Variants in EYS observed in about 807,000 individuals in gnomAD.
EYS encodes the protein EGF-like photoreceptor maintenance factor.
In EYS, 250 loss-of-function variants were observed where a neutral mutation model predicts 282.1. That is an observed-to-expected ratio of 0.89 (90% CI 0.80 to 0.98). The LOEUF (loss-of-function observed/expected upper bound fraction) is 0.98, where lower values mean the gene tolerates loss of function less well. EYS is among the 50% of genes least tolerant of loss of function. The probability of loss-of-function intolerance (pLI) is 0.00; values close to 1 mark genes in which losing one functional copy is unlikely to be tolerated. For missense variants in EYS, 4,016 were observed against 3,709.0 expected (o/e 1.08, Z -2.15); for synonymous variants, 1,355 against 1,282.9 (o/e 1.06, Z -1.20).
intron 22 of EYS, among the ~76,000 whole-genome samples, chr6:64,750,948 G>A (rs769685095): frequency 9.9e-5 from 15 of 151,084 alleles, no homozygotes; most frequent in Non-Finnish European, 1.6e-4. Flanking sequence ...CAGCAGCACT[G>A]TCTCTGCTCC....
At chr6:65,039,782 G>T (rs1772877351) in intron 13 of EYS, among the ~76,000 whole-genome samples, 1 of 151,352 alleles carries the variant, frequency 6.6e-6, no homozygotes, top group Non-Finnish European at 1.5e-5. Flanking sequence ...AAGACTTTTG[G>T]TATCTTAGTA....
intron 36 of EYS, 43 bp downstream of exon 36, chr6:63,864,143 T>A: frequency 2.1e-6 from 3 of 1,416,120 alleles, no homozygotes; most frequent in Non-Finnish European, 2.8e-6. Flanking sequence ...CCTCTTCACC[T>A]CTTTCTGTCT....
intron 35 of EYS, among the ~76,000 whole-genome samples, chr6:63,939,160 T>A (rs1333833243): frequency 6.6e-6 from 1 of 151,972 alleles, no homozygotes; most frequent in African/African-American, 2.4e-5. Context: ...AATATGCCTA[T>A]TTTTGACTCA....
chr6:63,885,966 A>T (rs1773252357), intron 35 of EYS, among the ~76,000 whole-genome samples: 1 of 152,208 alleles, frequency 6.6e-6, no homozygotes, highest in South Asian at 2.1e-4. Flanking sequence ...ACTGACTGAC[A>T]GTCTTTCAAC....
At chr6:65,563,206 T>C (rs1432234738) in intron 2 of EYS, among the ~76,000 whole-genome samples, 1 of 152,134 alleles carries the variant, frequency 6.6e-6, no homozygotes, top group Non-Finnish European at 1.5e-5. Flanking sequence ...GTTTAGTACA[T>C]ACTCATTTCA....
At chr6:64,315,037 TAAAGAA>T (rs1229698336) in intron 29 of EYS, among the ~76,000 whole-genome samples, 46 of 151,488 alleles carry the variant, frequency 3.0e-4, no homozygotes, top group Non-Finnish European at 1.5e-5. Flanking sequence ...GCCAGACTGA[TAAAGAA>T]GAAAAGAGAG....
chr6:64,278,538 G>A (rs1455033642), intron 30 of EYS, among the ~76,000 whole-genome samples: 1 of 151,952 alleles, frequency 6.6e-6, no homozygotes, highest in Non-Finnish European at 1.5e-5. Flanking sequence ...AAATTAAACT[G>A]TTTACTGTAA....
At chr6:63,964,323 T>C (rs544107066) in intron 35 of EYS, among the ~76,000 whole-genome samples, 1 of 152,346 alleles carries the variant, frequency 6.6e-6, no homozygotes, top group Admixed American at 6.5e-5. Context: ...CCTACTGTTA[T>C]ATTTATATTA....
intron 12 of EYS, among the ~76,000 whole-genome samples, chr6:65,181,276 C>G (rs1481793264): frequency 6.6e-6 from 1 of 152,216 alleles, no homozygotes; most frequent in East Asian, 1.9e-4. Flanking sequence ...AGGCAACCTA[C>G]AGAGTGGGAG....
At chr6:64,291,934 G>A (rs1235193343) in intron 30 of EYS, among the ~76,000 whole-genome samples, 4 of 152,028 alleles carry the variant, frequency 2.6e-5, no homozygotes, top group Non-Finnish European at 5.9e-5. Context: ...TAATTCTTGT[G>A]TCCAGACATT....
intron 2 of EYS, among the ~76,000 whole-genome samples, chr6:65,588,333 C>G (rs559958630): frequency 1.3e-4 from 20 of 152,054 alleles, no homozygotes; most frequent in African/African-American, 4.8e-4. Flanking sequence ...ATCTAACAGG[C>G]TAACATAAAG....
At chr6:65,143,119 C>T (rs1764389423) in intron 12 of EYS, among the ~76,000 whole-genome samples, 1 of 151,920 alleles carries the variant, frequency 6.6e-6, no homozygotes, top group African/African-American at 2.4e-5. Context: ...CAGACCAAAA[C>T]AGTACTAGTG....
intron 30 of EYS, among the ~76,000 whole-genome samples, chr6:64,278,736 CTCTT>C (rs1472068580): frequency 6.6e-6 from 1 of 151,898 alleles, no homozygotes; most frequent in Admixed American, 6.6e-5. Context: ...CTCTCTCTCT[CTCTT>C]TCTCTCTTTC....
chr6:64,298,774 A>G (rs1387462886), intron 30 of EYS, among the ~76,000 whole-genome samples: 2 of 152,158 alleles, frequency 1.3e-5, no homozygotes, highest in East Asian at 3.8e-4. Flanking sequence ...ATCCTCTCTA[A>G]CAAAGATTTA....
chr6:64,979,272 A>T (rs762848887), intron 14 of EYS, among the ~76,000 whole-genome samples: 23 of 151,808 alleles, frequency 1.5e-4, no homozygotes, highest in Non-Finnish European at 8.8e-5. Flanking sequence ...TTTATGAAGT[A>T]ACCAATGCGA....
intron 2 of EYS, among the ~76,000 whole-genome samples, chr6:65,609,918 C>T (rs770518430): frequency 6.6e-6 from 1 of 152,068 alleles, no homozygotes; most frequent in African/African-American, 2.4e-5. Flanking sequence ...ATAGTTCACA[C>T]ACTGGTTATA....
chr6:64,523,583 A>G (rs1193993696), intron 26 of EYS, among the ~76,000 whole-genome samples: 2 of 151,826 alleles, frequency 1.3e-5, no homozygotes, highest in Non-Finnish European at 3.0e-5. Context: ...TTCTGGTTCC[A>G]AGGTTTTAGC....
intron 30 of EYS, among the ~76,000 whole-genome samples, chr6:64,279,598 T>C (rs1282979698): frequency 6.6e-6 from 1 of 152,216 alleles, no homozygotes; most frequent in East Asian, 1.9e-4. Flanking sequence ...CTTCCAGATA[T>C]GCATTACTGT....
chr6:64,881,661 G>A (rs2350284), intron 19 of EYS, among the ~76,000 whole-genome samples: 123,790 of 151,662 alleles, frequency 0.82, 50,529 homozygotes, highest in East Asian at 0.85. Flanking sequence ...TAAGAGGCAC[G>A]TACACATTTG....
Sources: gnomAD v4.1 joint callset for allele counts (sites outside exome capture counted in the v4.1 genomes callset) on GRCh38, gnomAD v4.1.1 for gene constraint, MANE v1.5 for transcripts, NCBI Gene and HGNC (gene_info 2026-07-23, HGNC 2026-07-21) for gene names.